The following ACSM3 variants were observed in gnomAD, a reference collection of about 807,000 sequenced individuals.
ACSM3 encodes the protein acyl-CoA synthetase medium chain family member 3.
A neutral mutation model predicts 74.1 loss-of-function variants in ACSM3; 61 were observed. That is an observed-to-expected ratio of 0.82 (90% confidence interval 0.67 to 1.02). ACSM3 has a LOEUF of 1.02. Ranked by LOEUF, ACSM3 falls within the 50% of genes least tolerant of loss-of-function variation. The probability of loss-of-function intolerance (pLI) is 0.00; values close to 1 mark genes in which losing one functional copy is unlikely to be tolerated. For synonymous variants in ACSM3, 213 were observed against 241.5 expected (o/e 0.88, Z 1.09); for missense variants, 660 against 697.0 (o/e 0.95, Z 0.60).
At chr16:20,771,546 T>C (rs2080194543) in intron 2 of ACSM3, among the ~76,000 whole-genome samples, 1 of 152,188 alleles carries the variant, frequency 6.6e-6, no homozygotes, top group Admixed American at 6.5e-5. Flanking sequence ...TTCATACATG[T>C]TGCCACAAAT....
At chr16:20,723,042 C>G (rs1277206980) in intron 1 of ACSM3, among the ~76,000 whole-genome samples, 2 of 151,672 alleles carry the variant, frequency 1.3e-5, no homozygotes, top group African/African-American at 4.9e-5. Flanking sequence ...CCCTCCCCCA[C>G]CCCACAACAG....
chr16:20,712,098 A>C (rs2079745782), intron 1 of ACSM3, among the ~76,000 whole-genome samples: 1 of 152,030 alleles, frequency 6.6e-6, no homozygotes, highest in Non-Finnish European at 1.5e-5. Flanking sequence ...CTTCTCCTTG[A>C]CCACATTACC....
chr16:20,677,639 T>C (rs1298957374), intron 1 of ACSM3, among the ~76,000 whole-genome samples: 1 of 152,186 alleles, frequency 6.6e-6, no homozygotes, highest in Non-Finnish European at 1.5e-5. Context: ...AATATTTTAC[T>C]GATGGAAGCA....
Position 20,729,410 on chromosome 16 carries a change from C to G in ACSM3, c.-189-20500C>G. 3.1e-6 allele frequency: 3 copies of G among 982,764 alleles called. 1 individual carries two copies. The highest frequency in any genetic ancestry group is 1.6e-6 in the Non-Finnish European group (1 of 614,408). The allele number at this position is 982,764 out of a possible 1,614,324, so 60.9% of individuals were successfully genotyped here. A position where few individuals can be genotyped will look rare whatever the true frequency, so the allele number is the denominator to read the frequency against. ...CAAGGATTGACAGGGGGGGAGCTCT[C>G]CTACTGGAGGATGTGGTGGTCAAAG... On this transcript the variant is annotated intron_variant, in intron 1 of 3. Transcript: ENST00000561584.
At chr16:20,683,196 C>A (rs1334544667) in intron 1 of ACSM3, among the ~76,000 whole-genome samples, 1 of 152,070 alleles carries the variant, frequency 6.6e-6, no homozygotes, top group Non-Finnish European at 1.5e-5. Context: ...GAGCTCACTG[C>A]AACCTCAGCC....
chr16:20,771,149 C>T (rs2080188399), intron 2 of ACSM3, among the ~76,000 whole-genome samples: 1 of 152,178 alleles, frequency 6.6e-6, no homozygotes, highest in Admixed American at 6.5e-5. Flanking sequence ...GCAACCTCCG[C>T]CTCATGAGTT....
intron 1 of ACSM3, among the ~76,000 whole-genome samples, chr16:20,719,824 C>T (rs990950616): frequency 6.6e-6 from 1 of 152,190 alleles, no homozygotes; most frequent in African/African-American, 2.4e-5. Flanking sequence ...TACTCTTCCC[C>T]AAGTTGTTAA....
intron 4 of ACSM3, chr16:20,780,513 T>C: frequency 1.9e-6 from 2 of 1,057,302 alleles, no homozygotes; most frequent in Non-Finnish European, 2.7e-6. Flanking sequence ...GGGCCTTTGA[T>C]GACAAAGTTT....
chr16:20,782,350 C>A (rs2080370342), intron 7 of ACSM3, among the ~76,000 whole-genome samples: 1 of 152,150 alleles, frequency 6.6e-6, no homozygotes, highest in Admixed American at 6.5e-5. Context: ...ATCACCCAAG[C>A]AGTATACACT....
At chr16:20,737,043 GTGT>G (rs1254092164) in intron 1 of ACSM3, 2 of 1,614,110 alleles carry the variant, frequency 1.2e-6, no homozygotes, top group East Asian at 2.2e-5. Flanking sequence ...TCCTTCTGCT[GTGT>G]TGTTTTGGTC....
rs879220574 is a variant in ACSM3 at position 20,785,112 on chromosome 16, C to G, written c.1143+5C>G. The G allele has an allele frequency of 6.2e-7, 1 of 1,612,588 alleles. No individual in the cohort carries two copies. The highest frequency in any genetic ancestry group is 1.1e-5 in the South Asian group (1 of 91,018). ...GGATATGGACAGACTGAAACGGTAC[C>G]TGACCTCACTGAAAAGACATAGCTG... is the stretch of plus-strand genomic sequence containing the variant. On this transcript the variant is annotated splice_donor_5th_base_variant and intron_variant, in intron 8 of 13. Transcript: ENST00000289416.
upstream of ACSM3, among the ~76,000 whole-genome samples, chr16:20,760,936 C>T (rs542481295): frequency 6.6e-6 from 1 of 152,174 alleles, no homozygotes; most frequent in Admixed American, 6.5e-5. Context: ...CGCAACCCCC[C>T]ACCCTTTACC....
intron 1 of ACSM3, chr16:20,682,303 C>A (rs1216747230): frequency 6.2e-7 from 1 of 1,613,760 alleles, no homozygotes; most frequent in Non-Finnish European, 8.5e-7. Context: ...TGTGATCAGA[C>A]ACCAGGAGCT....
chr16:20,781,004 G>C lies in ACSM3; in HGVS notation c.813G>C (p.Val271=). The part of the protein sequence containing the change: ...RFWLDLTPSD[V]MWNTSDTGWA... ...GGCTAGATTTGACACCCTCAGATGT[G>C]ATGTGGAATACCTCAGATACGGGCT... is the stretch of plus-strand genomic sequence containing the variant. The change falls in exon 6 of 14, where the codon GTG becomes GTC. Residue 271 remains valine, a synonymous_variant. Transcript: ENST00000289416. The C allele has an allele frequency of 6.2e-7, 1 of 1,614,204 alleles. No individual in the cohort carries two copies. The highest frequency in any genetic ancestry group is 8.5e-7 in the Non-Finnish European group (1 of 1,180,036).
intron 1 of ACSM3, chr16:20,721,671 G>A (rs1485404124): frequency 1.3e-5 from 2 of 152,086 alleles, no homozygotes; most frequent in East Asian, 3.9e-4. Context: ...TTGGGGGTAG[G>A]ATTTAGAATA....
chr16:20,789,564 A>G, intron 9 of ACSM3: 1 of 1,592,316 alleles, frequency 6.3e-7, no homozygotes, highest in East Asian at 2.2e-5. Context: ...ACAGCTAAAC[A>G]AAGTTTGAAA....
intron 4 of ACSM3, chr16:20,780,281 T>C (rs2080324523): frequency 4.2e-6 from 1 of 236,950 alleles, no homozygotes; most frequent in South Asian, 5.8e-5. Context: ...TCAGTACCCA[T>C]GGCTTTTACT....
chr16:20,792,618 A>C, intron 12 of ACSM3: 1 of 985,424 alleles, frequency 1.0e-6, no homozygotes, highest in Non-Finnish European at 1.2e-6. Flanking sequence ...AATGCCAGTA[A>C]CCCAGGCTCA....
intron 1 of ACSM3, chr16:20,691,148 T>A (rs569469477): frequency 3.1e-6 from 5 of 1,612,272 alleles, no homozygotes; most frequent in Non-Finnish European, 4.2e-6. Context: ...GAAGGATTTG[T>A]GGATGCCCCA....
Sources: allele counts gnomAD v4.1 joint callset (sites outside exome capture counted in the v4.1 genomes callset), GRCh38; gene constraint gnomAD v4.1.1; transcripts MANE v1.5; gene names NCBI Gene and HGNC (gene_info 2026-07-23, HGNC 2026-07-21).